Variants in MTMR6 observed in about 807,000 individuals in gnomAD.
MTMR6 encodes myotubularin related protein 6, also known as phosphatidylinositol-3,5-bisphosphate 3-phosphatase MTMR6.
A neutral mutation model predicts 80.1 loss-of-function variants in MTMR6; 47 were observed. That is an observed-to-expected ratio of 0.59 (90% CI 0.46 to 0.75). The LOEUF is 0.75. Ranked by LOEUF, MTMR6 falls within the 30% of genes least tolerant of loss-of-function variation. The pLI, the probability that MTMR6 is intolerant of heterozygous loss-of-function variation, is 0.00. For missense variants in MTMR6, 629 were observed against 730.9 expected (o/e 0.86, Z 1.61); for synonymous variants, 254 against 253.0 (o/e 1.00, Z -0.04).
In MTMR6 at chr13:25,248,984, T is replaced by C. The variant is rs1039275555; in HGVS notation, c.*248A>G. 4.2e-6 allele frequency: 2 copies of C among 475,716 alleles called. No individual in the cohort carries two copies. Among genetic ancestry groups the C allele is most frequent in the South Asian group, 3.5e-5 (1 of 28,744 alleles). 29.5% of individuals were successfully genotyped at this position (475,716 alleles called of 1,614,324 possible). A position where few individuals can be genotyped will look rare whatever the true frequency, so the allele number is the denominator to read the frequency against. ...TCAATTCACTAGTGTACAGTGCAAA[T>C]TGTGTTTTGAGTAAATACATCAAAT... On this transcript the variant is annotated 3_prime_UTR_variant, in exon 14 of 14. Coordinates refer to ENST00000381801, the MANE Select transcript of MTMR6 (RefSeq NM_004685.5).
intron 5 of MTMR6, among the ~76,000 whole-genome samples, chr13:25,264,804 G>C (rs1398978016): frequency 7.0e-6 from 1 of 142,746 alleles, no homozygotes; most frequent in Non-Finnish European, 1.5e-5. Context: ...GGAAAAAGAG[G>C]ATTCTAAAAG....
chr13:25,271,827 G>A (rs1458456654), intron 2 of MTMR6, among the ~76,000 whole-genome samples: 3 of 152,168 alleles, frequency 2.0e-5, no homozygotes, highest in Admixed American at 6.5e-5. Context: ...CTCAATAAAT[G>A]TGTGCTAAAT....
chr13:25,286,928 C>A (rs1389158476), intron 1 of MTMR6, among the ~76,000 whole-genome samples: 2 of 152,180 alleles, frequency 1.3e-5, no homozygotes, highest in African/African-American at 4.8e-5. Flanking sequence ...CAATTTTGCC[C>A]GAGAAAACGT....
Position 25,272,412 on chromosome 13 carries a change from A to G in MTMR6, c.141+1659T>C, listed in dbSNP as rs538066873. ...ACACACACATCTGACAAAGCATTATAACCTAGAACTCTTTATTTGTTTTCT... is the reference window on the plus strand; with the variant it reads ...ACACACACATCTGACAAAGCATTATGACCTAGAACTCTTTATTTGTTTTCT... On this transcript the variant is annotated intron_variant, in intron 2 of 13. Coordinates refer to ENST00000381801, the MANE Select transcript of MTMR6 (RefSeq NM_004685.5). Among the ~76,000 whole-genome samples, 8 of 152,326 alleles carry G rather than the reference A, an allele frequency of 5.3e-5. No individual in the cohort carries two copies. The South Asian group carries it at 1.7e-3, about 32-fold the overall frequency.
chr13:25,274,370 A>G (rs1233415852), intron 1 of MTMR6, among the ~76,000 whole-genome samples, 183 bp from the exon 2 acceptor site: 1 of 152,228 alleles, frequency 6.6e-6, no homozygotes, highest in African/African-American at 2.4e-5. Flanking sequence ...CAAATAACAT[A>G]GAGATTATTT....
chr13:25,266,670 C>T (rs923588182), intron 3 of MTMR6, among the ~76,000 whole-genome samples: 4 of 152,160 alleles, frequency 2.6e-5, no homozygotes, highest in African/African-American at 9.7e-5. Context: ...GAGACAGATA[C>T]AGAACATGAA....
chr13:25,273,996 A>G, intron 2 of MTMR6, 75 bp downstream of exon 2: 1 of 1,067,742 alleles, frequency 9.4e-7, no homozygotes, highest in Non-Finnish European at 1.4e-6. Context: ...ATTGTGTTAT[A>G]CACATTCAAA....
chr13:25,281,530 GA>G (rs35028759), intron 1 of MTMR6, among the ~76,000 whole-genome samples: 94,928 of 152,098 alleles, frequency 0.62, 34,730 homozygotes, highest in Non-Finnish European at 0.83. Flanking sequence ...TATCCCTGAG[GA>G]AAAAGTGGCC....
intron 6 of MTMR6, among the ~76,000 whole-genome samples, chr13:25,259,015 T>C (rs561195136): frequency 2.6e-4 from 39 of 152,212 alleles, no homozygotes; most frequent in Non-Finnish European, 3.2e-4. Context: ...ATGTCTCCTA[T>C]CTAATTTCTA....
At chr13:25,263,417 T>A (rs1370296084) in intron 5 of MTMR6, among the ~76,000 whole-genome samples, 1 of 152,172 alleles carries the variant, frequency 6.6e-6, no homozygotes, top group Non-Finnish European at 1.5e-5. Context: ...GACACAGCTG[T>A]GGGCAGGGGT....
rs1957074549 is a variant in MTMR6 at position 25,251,017 on chromosome 13, T to G, written c.1605+632A>C. ...AGATCTATGTTTTATTTCTTTTTTT[T>G]TTGTTTGTTTTTGTTTTGAGATGGA... On this transcript the variant is annotated intron_variant, in intron 13 of 13. Transcript: ENST00000381801. This position sits in a 1 kb window ranked among gnomAD's most constrained non-coding sequence, Gnocchi z 4.1. Among the ~76,000 whole-genome samples the G allele has an allele frequency of 6.6e-6, 1 of 152,056 alleles. No homozygotes were observed. The highest frequency in any genetic ancestry group is 1.5e-5 in the Non-Finnish European group (1 of 68,000).
chr13:25,276,602 C>T (rs765419292), intron 1 of MTMR6, among the ~76,000 whole-genome samples: 11 of 152,134 alleles, frequency 7.2e-5, no homozygotes, highest in African/African-American at 2.7e-4. Context: ...ACAATCACAC[C>T]GCTTTTCATT....
At position 25,249,048 on chromosome 13, in the gene MTMR6, T is replaced by A; in HGVS notation, c.*184A>T. ...TACAGAACTGAATGTCATTCCTTGC[T>A]GGAAATGCAATTAAAATGACTTATT... On this transcript the variant is annotated 3_prime_UTR_variant, in exon 14 of 14. Coordinates refer to ENST00000381801, the MANE Select transcript of MTMR6 (RefSeq NM_004685.5). 4.8e-6 allele frequency: 3 copies of A among 624,806 alleles called. No individual in the cohort carries two copies. Among genetic ancestry groups the A allele is most frequent in the Non-Finnish European group, 8.0e-6 (3 of 373,370 alleles). The allele number at this position is 624,806 out of a possible 1,614,324, so 38.7% of individuals were successfully genotyped here. A position where few individuals can be genotyped will look rare whatever the true frequency, so the allele number is the denominator to read the frequency against.
intron 1 of MTMR6, among the ~76,000 whole-genome samples, chr13:25,274,961 TACACACACACACACACACACAC>T (rs71077456): frequency 0.018 from 1,928 of 105,058 alleles, 66 homozygotes; most frequent in African/African-American, 0.062. Context: ...CACACACACA[TACACACACACACACACACACAC>T]ACACACACAC....
At chr13:25,285,344 G>T (rs539648102) in intron 1 of MTMR6, among the ~76,000 whole-genome samples, 1 of 149,750 alleles carries the variant, frequency 6.7e-6, no homozygotes, top group Non-Finnish European at 1.5e-5. Flanking sequence ...ATTTGCTCTA[G>T]TTGATCAGAT....
chr13:25,265,588 C>A (rs1957437116), intron 5 of MTMR6, among the ~76,000 whole-genome samples: 1 of 152,016 alleles, frequency 6.6e-6, no homozygotes, highest in Admixed American at 6.6e-5. Flanking sequence ...CTAAAATTAG[C>A]CAGGCATGGT....
intron 10 of MTMR6, 138 bp downstream of exon 10, chr13:25,254,247 T>C: frequency 1.4e-6 from 1 of 721,456 alleles, no homozygotes; most frequent in East Asian, 2.7e-5. Flanking sequence ...TTAAATGTCT[T>C]TACGTAAAAT....
chr13:25,284,259 T>C (rs1957914388), intron 1 of MTMR6, among the ~76,000 whole-genome samples: 1 of 152,170 alleles, frequency 6.6e-6, no homozygotes, highest in Admixed American at 6.5e-5. Flanking sequence ...ACATAGTCTT[T>C]GGAGTTAAAC....
At chr13:25,285,502 A>T (rs915926270) in intron 1 of MTMR6, among the ~76,000 whole-genome samples, 1 of 145,768 alleles carries the variant, frequency 6.9e-6, no homozygotes, top group African/African-American at 2.6e-5. Context: ...CCTCCCGAGT[A>T]GCTGGGACTA....
Sources: gnomAD v4.1 joint callset for allele counts (sites outside exome capture counted in the v4.1 genomes callset) on GRCh38, gnomAD v4.1.1 for gene constraint, Gnocchi (gnomAD v3.1) non-coding constraint, MANE v1.5 for transcripts, NCBI Gene and HGNC (gene_info 2026-07-23, HGNC 2026-07-21) for gene names.